FER1L5: variants seen among roughly 807,000 people sequenced by gnomAD.
FER1L5 encodes the protein fer-1 like family member 5, also known as fer-1-like protein 5.
In FER1L5, 187 loss-of-function variants were observed where a neutral mutation model predicts 279.9. That is an observed-to-expected ratio of 0.67 (90% CI 0.59 to 0.75). The LOEUF (loss-of-function observed/expected upper bound fraction) is 0.75. Ranked by LOEUF, FER1L5 falls within the 30% of genes least tolerant of loss-of-function variation. The pLI is 0.00. For missense variants in FER1L5, 2,091 were observed against 2,594.4 expected (o/e 0.81, Z 4.21); for synonymous variants, 921 against 989.7 (o/e 0.93, Z 1.30).
chr2:96,647,820 A>G lies in FER1L5; in HGVS notation c.273A>G (p.Lys91=). 1 of 1,551,780 alleles carries G rather than the reference A, an allele frequency of 6.4e-7. No individual in the cohort carries two copies. Among genetic ancestry groups the G allele is most frequent in the South Asian group, 1.2e-5 (1 of 84,060 alleles). Reference sequence around the variant, plus strand: ...CAGTACTGCTCAAGCCATTGTTGAAACAACCAAGTGAGGTCCTTTTTGTGA... The same window carrying G: ...CAGTACTGCTCAAGCCATTGTTGAAGCAACCAAGTGAGGTCCTTTTTGTGA... ...LATVLLKPLL[K]QPSEVLFVKD... Residue 91 remains lysine, a synonymous_variant, in exon 4 of 53, where the codon AAA becomes AAG. Coordinates refer to ENST00000624922, the MANE Select transcript of FER1L5 (RefSeq NM_001293083.2).
chr2:96,681,780 A>T lies in FER1L5; in HGVS notation c.1670-2547A>T, dbSNP rs1573902714. On this transcript the variant is annotated intron_variant, in intron 19 of 52. Coordinates refer to ENST00000624922, the MANE Select transcript of FER1L5 (RefSeq NM_001293083.2). ...AGATTTTTGAGAGATTATTTTATTT[A>T]TTTATTTATTTATTTATTTATTTAT... Among the ~76,000 whole-genome samples, 7 of 150,916 alleles carry T rather than the reference A, an allele frequency of 4.6e-5. No homozygotes were observed. The East Asian group carries it at 1.4e-3, about 29-fold the overall frequency.
intron 21 of FER1L5, 124 bp from the exon 22 acceptor site, chr2:96,685,816 C>A: frequency 8.1e-7 from 1 of 1,241,356 alleles, no homozygotes; most frequent in Non-Finnish European, 1.1e-6. Flanking sequence ...CTGGGCCAGG[C>A]TAGCAGCAGA....
chr2:96,667,377 C>T lies in FER1L5; in HGVS notation c.1141-1374C>T, dbSNP rs1319643226. On this transcript the variant is annotated intron_variant, in intron 14 of 52. Coordinates refer to ENST00000624922, the MANE Select transcript of FER1L5 (RefSeq NM_001293083.2). ...TTTTTTTTTTTTTGAGACGGAGTTT[C>T]GCTCTTGTTGCCTAGGCTGGAGTGC... Among the ~76,000 whole-genome samples the T allele has an allele frequency of 2.9e-5, 4 of 137,834 alleles. No individual in the cohort carries two copies. The Admixed American group carries it at 3.0e-4, about 10-fold the overall frequency. 90.4% of individuals were successfully genotyped at this position (137,834 alleles called of 152,430 possible). A position where few individuals can be genotyped will look rare whatever the true frequency, so the allele number is the denominator to read the frequency against.
At chr2:96,681,776 A>T (rs941131131) in intron 19 of FER1L5, among the ~76,000 whole-genome samples, 4 of 117,054 alleles carry the variant, frequency 3.4e-5, no homozygotes, top group African/African-American at 1.7e-4. Flanking sequence ...AGATTATTTT[A>T]TTTATTTATT....
At position 96,700,012 on chromosome 2, in the gene FER1L5, C is replaced by T. The variant is rs748515589; in HGVS notation, c.4862C>T (p.Pro1621Leu). 3.7e-6 allele frequency: 6 copies of T among 1,613,998 alleles called. No homozygotes were observed. Among genetic ancestry groups the T allele is most frequent in the East Asian group, 2.2e-5 (1 of 44,876 alleles). Residue 1621 changes from proline (P) to leucine (L), a missense_variant, in exon 44 of 53, where the codon CCG (proline) becomes CTG (leucine). Transcript: ENST00000624922. ...TATGCCAAGCGGAAAGGGCTACCTC[C>T]GCCTCTGTTCAGTCCTGAGGAAGAT... is the stretch of plus-strand genomic sequence containing the variant. ...ERYAKRKGLP[P>L]PLFSPEEDAV...
intron 4 of FER1L5, 73 bp downstream of exon 4, chr2:96,647,959 A>G (rs943699482): frequency 4.1e-6 from 5 of 1,206,344 alleles, no homozygotes; most frequent in South Asian, 1.3e-5. Flanking sequence ...GGCCCACACC[A>G]CAAGAGTGCT....
intron 9 of FER1L5, among the ~76,000 whole-genome samples, chr2:96,659,238 G>C (rs1463256265): frequency 6.6e-6 from 1 of 151,214 alleles, no homozygotes; most frequent in East Asian, 1.9e-4. Flanking sequence ...TTTCTTAACA[G>C]TGTCTTTCAA....
chr2:96,663,053 GT>G (rs2076009105), intron 13 of FER1L5, among the ~76,000 whole-genome samples: 1 of 152,182 alleles, frequency 6.6e-6, no homozygotes, highest in South Asian at 2.1e-4. Flanking sequence ...TCAACTGACG[GT>G]TTTAAAACAG....
chr2:96,677,084 C>T (rs180960760), intron 19 of FER1L5, among the ~76,000 whole-genome samples: 101 of 152,346 alleles, frequency 6.6e-4, no homozygotes, highest in East Asian at 2.3e-3. Flanking sequence ...TCAGGTCATC[C>T]GCTCGCCTCA....
In FER1L5 at chr2:96,700,010, TC is replaced by T. The variant is rs2077533295; in HGVS notation, c.4862del (p.Pro1621ArgfsTer120). 3.7e-6 allele frequency: 6 copies of T among 1,613,864 alleles called. No homozygotes were observed. The African/African-American group carries it at 4.0e-5, about 11-fold the overall frequency. On this transcript the variant is annotated frameshift_variant, in exon 44 of 53. Coordinates refer to ENST00000624922, the MANE Select transcript of FER1L5 (RefSeq NM_001293083.2). LOFTEE classifies it high-confidence loss of function. ...GCTATGCCAAGCGGAAAGGGCTACC[TC>T]CGCCTCTGTTCAGTCCTGAGGAAGA... The part of the protein sequence containing the change: ...ERYAKRKGLP[P>X]PLFSPEEDAV...
intron 14 of FER1L5, among the ~76,000 whole-genome samples, chr2:96,664,510 C>G (rs1188220406): frequency 6.6e-6 from 1 of 152,210 alleles, no homozygotes; most frequent in Non-Finnish European, 1.5e-5. Context: ...CATGCCATTG[C>G]TGTGTATCAG....
chr2:96,694,030 G>C lies in FER1L5; in HGVS notation c.3594G>C (p.Glu1198Asp). The change falls in exon 33 of 53, where the codon GAG becomes GAC. Residue 1198 changes from glutamate to aspartate, a missense_variant. Coordinates refer to ENST00000624922, the MANE Select transcript of FER1L5 (RefSeq NM_001293083.2). The surrounding 1 kb of genome is among the most constrained non-coding windows in gnomAD (Gnocchi z 4.6). ...TTGTAAAGGAGTTGGGGAAGGAAGAGGGCGAGATCTTGGCATCCTGTGAGC... is the reference window on the plus strand; with the variant it reads ...TTGTAAAGGAGTTGGGGAAGGAAGACGGCGAGATCTTGGCATCCTGTGAGC... ...HPLVKELGKEEGEILASCELI... is the reference protein window; with the variant it reads ...HPLVKELGKEDGEILASCELI... The C allele has an allele frequency of 6.5e-7, 1 of 1,548,686 alleles. No individual in the cohort carries two copies. The highest frequency in any genetic ancestry group is 8.7e-7 in the Non-Finnish European group (1 of 1,146,958).
At chr2:96,659,354 C>CTTCCTTCT in intron 9 of FER1L5, among the ~76,000 whole-genome samples, 1 of 64,426 alleles carries the variant, frequency 1.6e-5, no homozygotes, top group African/African-American at 5.9e-5. Context: ...TCCTTCCTTC[C>CTTCCTTCT]TTCCTTCCTT....
Position 96,661,363 on chromosome 2 carries a change from C to A in FER1L5, c.817C>A (p.Pro273Thr). The change falls in exon 11 of 53, where the codon CCA becomes ACA. Residue 273 changes from proline (P) to threonine (T), a missense_variant. Coordinates refer to ENST00000624922, the MANE Select transcript of FER1L5 (RefSeq NM_001293083.2). ...LLRKWLGLCQ[P>T]NNPGSGVTGY... is the part of the protein sequence containing the mutation. ...AAGGAAATGGCTAGGCCTCTGCCAG[C>A]CAAATAACCCTGGCAGTGGTGTGAC... is the stretch of plus-strand genomic sequence containing the variant. 1 of 1,551,522 alleles carries A rather than the reference C, an allele frequency of 6.4e-7. No individual in the cohort carries two copies. Among genetic ancestry groups the A allele is most frequent in the South Asian group, 1.2e-5 (1 of 84,054 alleles).
At chr2:96,659,496 T>C (rs1232387338) in intron 9 of FER1L5, among the ~76,000 whole-genome samples, 3 of 46,128 alleles carry the variant, frequency 6.5e-5, no homozygotes, top group African/African-American at 5.7e-4. Flanking sequence ...TTTCTTTCTT[T>C]CTTTCTTTCT....
rs1207514290 is a variant in FER1L5, at chr2:96,647,111, C to A, written c.186C>A (p.Phe62Leu). 9 of 1,551,530 alleles carry A rather than the reference C, an allele frequency of 5.8e-6. No individual in the cohort carries two copies. In the East Asian group the frequency reaches 1.5e-4, roughly 25 times the overall value. ...ACCGCCCCCTGGAAAATGACTCCTT[C>A]CTGCAAGTCACCCTTCAGGACATGG... ...LWNRPLENDS[F>L]LQVTLQDMGS... is the part of the protein sequence containing the mutation. Residue 62 changes from phenylalanine (F) to leucine (L), a missense_variant, in exon 3 of 53, where the codon TTC (phenylalanine) becomes TTA (leucine). Transcript: ENST00000624922.
At chr2:96,647,213 G>A (rs1201196736) in intron 3 of FER1L5, 58 bp downstream of exon 3, 5 of 1,499,120 alleles carry the variant, frequency 3.3e-6, no homozygotes, top group Non-Finnish European at 4.5e-6. Flanking sequence ...AGCAAGTTAT[G>A]TGATCCTTGT....
chr2:96,647,884 G>T lies in FER1L5; in HGVS notation c.337G>T (p.Asp113Tyr). The T allele has an allele frequency of 6.4e-7, 1 of 1,551,470 alleles. No individual in the cohort carries two copies. The highest frequency in any genetic ancestry group is 8.7e-7 in the Non-Finnish European group (1 of 1,146,654). ...GCTCAACCATTCCATGAAGCCCACA[G>T]ATGTGAGTCAGGCCCAGGAAGGCCC... Reference protein sequence around the residue: ...TLLNHSMKPTDCTVTLQVAHM... With the variant: ...TLLNHSMKPTYCTVTLQVAHM... The change falls in exon 4 of 53, where the codon GAT becomes TAT. Residue 113 changes from aspartate to tyrosine, a missense_variant and splice_region_variant. Coordinates refer to ENST00000624922, the MANE Select transcript of FER1L5 (RefSeq NM_001293083.2).
At chr2:96,643,542 G>T (rs1293945595) in intron 1 of FER1L5, among the ~76,000 whole-genome samples, 1 of 151,882 alleles carries the variant, frequency 6.6e-6, no homozygotes, top group Non-Finnish European at 1.5e-5. Context: ...TAGAGACGGG[G>T]TTTCACCATA....
Sources: gnomAD v4.1 joint callset for allele counts (sites outside exome capture counted in the v4.1 genomes callset) on GRCh38, gnomAD v4.1.1 for gene constraint, Gnocchi (gnomAD v3.1) non-coding constraint, MANE v1.5 for transcripts, NCBI Gene and HGNC (gene_info 2026-07-23, HGNC 2026-07-21) for gene names.